The following GALNT13 variants were observed in gnomAD, a reference collection of about 807,000 sequenced individuals.
GALNT13 encodes UDP-GalNAc:polypeptide N-acetylgalactosaminyltransferase 13.
Under a neutral mutation model 64.2 loss-of-function variants are expected in GALNT13, and 28 were observed. The ratio of observed to expected loss-of-function variants is 0.44; its 90% CI spans 0.32 to 0.60. The LOEUF (loss-of-function observed/expected upper bound fraction) is 0.60. GALNT13 is among the 20% of genes least tolerant of loss of function. The probability of loss-of-function intolerance (pLI) is 0.05; values close to 1 mark genes in which losing one functional copy is unlikely to be tolerated. For synonymous variants in GALNT13, 214 were observed against 224.6 expected, an observed-to-expected ratio of 0.95 and a Z score of 0.42; for missense variants, 577 against 669.8, an observed-to-expected ratio of 0.86 and a Z score of 1.53.
chr2:153,807,694 T>C, the GALNT13 span, among the ~76,000 whole-genome samples: 4 of 152,110 alleles, frequency 2.6e-5, no homozygotes, highest in African/African-American at 9.6e-5. Context: ...AAGCTTTTAT[T>C]ACATTTCTTT....
chr2:153,353,818 A>G, the GALNT13 span, among the ~76,000 whole-genome samples: 1 of 152,124 alleles, frequency 6.6e-6, no homozygotes, highest in African/African-American at 2.4e-5. Context: ...GTGGTATGTA[A>G]TTCTTTTGAT....
the GALNT13 span, among the ~76,000 whole-genome samples, chr2:153,146,407 T>A: frequency 1.3e-5 from 2 of 151,898 alleles, no homozygotes; most frequent in African/African-American, 4.8e-5. Flanking sequence ...TTCCCATTTA[T>A]TCTGGGTTGG....
intron 3 of GALNT13, among the ~76,000 whole-genome samples, chr2:154,133,558 A>ATC (rs1294208520): frequency 2.7e-5 from 1 of 37,518 alleles, no homozygotes; most frequent in East Asian, 3.7e-4. Flanking sequence ...ATATATATAT[A>ATC]TATATATATA....
At position 154,268,155 on chromosome 2, in the gene GALNT13, ATTTGT is replaced by A. The variant is rs796310761; in HGVS notation, c.975+9018_975+9022del. On this transcript the variant is annotated intron_variant, in intron 8 of 12. Coordinates refer to ENST00000392825, the MANE Select transcript of GALNT13 (RefSeq NM_052917.4). ...GTATGCCAATATTCATAGCAGCTTT[ATTTGT>A]AATACCGAAAGCCAGAAACAATCCA... Among the ~76,000 whole-genome samples the A allele has an allele frequency of 1.6e-3, 241 of 152,314 alleles. 1 individual carries two copies. Among genetic ancestry groups the A allele is most frequent in the African/African-American group, 5.6e-3 (231 of 41,578 alleles).
chr2:154,335,821 G>A (rs530895002), intron 9 of GALNT13, among the ~76,000 whole-genome samples: 1 of 151,928 alleles, frequency 6.6e-6, no homozygotes, highest in Non-Finnish European at 1.5e-5. Context: ...TTCTTAACAT[G>A]TAAATTACTA....
the GALNT13 span, among the ~76,000 whole-genome samples, chr2:153,115,142 C>G: frequency 5.9e-5 from 9 of 151,974 alleles, no homozygotes; most frequent in African/African-American, 2.2e-4. Context: ...CTTGGCCTCT[C>G]CAAATAGCTT....
intron 3 of GALNT13, among the ~76,000 whole-genome samples, chr2:154,082,455 C>G (rs1209351920): frequency 6.6e-6 from 1 of 151,652 alleles, no homozygotes; most frequent in Admixed American, 6.6e-5. Flanking sequence ...CTCCTACTTT[C>G]TGAGTTAGCT....
At chr2:153,354,858 G>T in the GALNT13 span, among the ~76,000 whole-genome samples, 3 of 152,262 alleles carry the variant, frequency 2.0e-5, no homozygotes, top group Non-Finnish European at 4.4e-5. Context: ...GATGCCAAAA[G>T]GTTGTTATCC....
intron 3 of GALNT13, among the ~76,000 whole-genome samples, chr2:153,985,270 C>A (rs1465077938): frequency 1.3e-5 from 2 of 152,014 alleles, no homozygotes; most frequent in Admixed American, 1.3e-4. Context: ...TTACATCCTA[C>A]TTAACTCGTC....
chr2:153,510,319 A>G, the GALNT13 span, among the ~76,000 whole-genome samples: 1 of 152,110 alleles, frequency 6.6e-6, no homozygotes, highest in African/African-American at 2.4e-5. Flanking sequence ...TTTTATTACT[A>G]CAATAACTCC....
chr2:153,859,534 A>T, the GALNT13 span, among the ~76,000 whole-genome samples: 1 of 152,178 alleles, frequency 6.6e-6, no homozygotes, highest in African/African-American at 2.4e-5. Flanking sequence ...AATATAACAA[A>T]TTGTTTCATA....
At chr2:154,366,149 G>A (rs1338865942) in intron 9 of GALNT13, among the ~76,000 whole-genome samples, 2 of 152,086 alleles carry the variant, frequency 1.3e-5, no homozygotes, top group African/African-American at 4.8e-5. Flanking sequence ...AAGATTTAGT[G>A]TCATATCACA....
the GALNT13 span, among the ~76,000 whole-genome samples, chr2:153,866,672 A>G: frequency 6.6e-6 from 1 of 152,218 alleles, no homozygotes; most frequent in Non-Finnish European, 1.5e-5. Flanking sequence ...GATATATTGA[A>G]TCATAAGACT....
the GALNT13 span, among the ~76,000 whole-genome samples, chr2:153,521,527 C>A: frequency 3.0e-3 from 451 of 152,248 alleles, 4 homozygotes; most frequent in African/African-American, 0.01. Context: ...ATTGACGAAC[C>A]CACAATGACA....
the GALNT13 span, among the ~76,000 whole-genome samples, chr2:153,410,946 T>C: frequency 2.0e-5 from 3 of 151,508 alleles, no homozygotes; most frequent in Admixed American, 6.6e-5. Context: ...TCATGATCAC[T>C]GCAAACTCTG....
At chr2:154,032,864 CTTT>C (rs70981694) in intron 3 of GALNT13, among the ~76,000 whole-genome samples, 15 of 110,106 alleles carry the variant, frequency 1.4e-4, no homozygotes, top group Admixed American at 2.0e-4. Flanking sequence ...CCTACATTTC[CTTT>C]TTTTTTTTTT....
the GALNT13 span, among the ~76,000 whole-genome samples, chr2:153,741,964 C>T: frequency 2.0e-5 from 3 of 152,084 alleles, no homozygotes. Context: ...ATTTCAAATG[C>T]TTATCATTGT....
chr2:153,787,730 G>A, the GALNT13 span, among the ~76,000 whole-genome samples: 1 of 151,990 alleles, frequency 6.6e-6, no homozygotes, highest in Non-Finnish European at 1.5e-5. Flanking sequence ...GACAAAATAG[G>A]TAGTATAAAA....
At chr2:154,347,704 G>A (rs988767733) in intron 9 of GALNT13, among the ~76,000 whole-genome samples, 89 of 152,158 alleles carry the variant, frequency 5.8e-4, no homozygotes, top group Non-Finnish European at 3.1e-4. Context: ...TTCACTGAAG[G>A]CAAAAGGGAC....
Sources: allele counts gnomAD v4.1 joint callset (sites outside exome capture counted in the v4.1 genomes callset), GRCh38; gene constraint gnomAD v4.1.1; transcripts MANE v1.5; gene names NCBI Gene and HGNC (gene_info 2026-07-23, HGNC 2026-07-21).